The following OPN3 variants were observed in gnomAD, a reference collection of about 807,000 sequenced individuals.
OPN3 encodes the protein opsin-3.
OPN3 carries 29 observed loss-of-function variants against 33.8 expected under a neutral mutation model. The observed-to-expected ratio is 0.86, with a 90% CI of 0.64 to 1.17. The LOEUF (loss-of-function observed/expected upper bound fraction) is 1.17, where lower values mean the gene tolerates loss of function less well. Among genes scored for constraint, OPN3 ranks in the 50% most tolerant of loss-of-function variants. The pLI, the probability that OPN3 is intolerant of heterozygous loss-of-function variation, is 0.00. For synonymous variants in OPN3, 216 were observed against 216.1 expected (o/e 1.00, Z 0.00); for missense variants, 437 against 514.1 (o/e 0.85, Z 1.45).
intron 1 of OPN3, among the ~76,000 whole-genome samples, chr1:241,618,495 A>T (rs751051231): frequency 1.3e-5 from 2 of 152,214 alleles, no homozygotes; most frequent in African/African-American, 2.4e-5. Flanking sequence ...CTCAATTCCC[A>T]GGTTTTCCTC....
chr1:241,617,838 G>A lies in OPN3; in HGVS notation c.374-13259C>T, dbSNP rs560462668. Among the ~76,000 whole-genome samples the A allele has an allele frequency of 2.0e-5, 3 of 152,260 alleles. No homozygotes were observed. The East Asian group carries it at 5.8e-4, about 29-fold the overall frequency. On this transcript the variant is annotated intron_variant, in intron 1 of 3. Transcript: ENST00000366554. The stretch of plus-strand genomic sequence containing the variant: ...ATAGCCTGTGCAGTTCTATGTTTGG[G>A]CAAAATGCTTTAAGTTGTAAACAAA...
chr1:241,606,591 T>TA (rs1260765121), intron 1 of OPN3, among the ~76,000 whole-genome samples: 13 of 144,196 alleles, frequency 9.0e-5, no homozygotes, highest in East Asian at 6.2e-4. Context: ...ATAAATAAAA[T>TA]AAATAAAATA....
chr1:241,639,671 G>C (rs1375014089), intron 1 of OPN3, among the ~76,000 whole-genome samples: 1 of 151,694 alleles, frequency 6.6e-6, no homozygotes, highest in Non-Finnish European at 1.5e-5. Context: ...TGGGGCGGGA[G>C]GGGACGGAGG....
intron 1 of OPN3, among the ~76,000 whole-genome samples, chr1:241,636,778 T>C (rs1664914731): frequency 6.6e-6 from 1 of 152,138 alleles, no homozygotes; most frequent in South Asian, 2.1e-4. Flanking sequence ...AAACTTCTGA[T>C]TTCATATTAA....
chr1:241,603,484 C>T (rs1473170341), intron 2 of OPN3, among the ~76,000 whole-genome samples: 7 of 147,410 alleles, frequency 4.7e-5, no homozygotes, highest in Non-Finnish European at 8.9e-5. Flanking sequence ...TTTTTTTTTT[C>T]CAGCTCCTCC....
intron 2 of OPN3, among the ~76,000 whole-genome samples, chr1:241,603,516 A>G (rs372555091): frequency 6.6e-6 from 1 of 152,222 alleles, no homozygotes; most frequent in East Asian, 1.9e-4. Flanking sequence ...CTACAGGCAT[A>G]GAGAAAATAG....
chr1:241,611,238 G>A (rs182128657), intron 1 of OPN3, among the ~76,000 whole-genome samples: 112 of 152,104 alleles, frequency 7.4e-4, no homozygotes, highest in African/African-American at 2.0e-3. Flanking sequence ...TCTAGACTGG[G>A]GTAAGCAAGT....
chr1:241,605,577 A>G (rs181836683), intron 1 of OPN3, among the ~76,000 whole-genome samples: 139 of 152,376 alleles, frequency 9.1e-4, no homozygotes, highest in African/African-American at 3.1e-3. Context: ...TGGATGGCCC[A>G]TGGTGACTAA....
intron 1 of OPN3, chr1:241,634,630 C>T: frequency 6.2e-7 from 1 of 1,613,826 alleles, no homozygotes; most frequent in East Asian, 2.2e-5. Flanking sequence ...CTTGGCCATA[C>T]AAGGGAAATA....
chr1:241,638,396 C>T (rs78290307), intron 1 of OPN3, among the ~76,000 whole-genome samples: 3,334 of 152,216 alleles, frequency 0.022, 51 homozygotes, highest in South Asian at 0.037. Flanking sequence ...TGTTCAAACT[C>T]CCGGGCACGA....
chr1:241,638,672 T>C (rs1332223107), intron 1 of OPN3, among the ~76,000 whole-genome samples: 1 of 152,146 alleles, frequency 6.6e-6, no homozygotes, highest in East Asian at 1.9e-4. Flanking sequence ...TCAAATGAAA[T>C]TATCAGATTA....
chr1:241,632,972 T>C (rs960380174), intron 1 of OPN3: 7 of 152,148 alleles, frequency 4.6e-5, no homozygotes, highest in African/African-American at 1.7e-4. Flanking sequence ...CCTTTTGGTC[T>C]AAGTTACTTA....
At chr1:241,624,246 A>G (rs1340827251) in intron 1 of OPN3, among the ~76,000 whole-genome samples, 1 of 121,680 alleles carries the variant, frequency 8.2e-6, no homozygotes, top group Non-Finnish European at 1.7e-5. Flanking sequence ...CTGCCTCTCC[A>G]CGCCAGGCCA....
intron 1 of OPN3, among the ~76,000 whole-genome samples, chr1:241,625,410 T>G (rs1206145715): frequency 6.6e-6 from 1 of 152,216 alleles, no homozygotes; most frequent in Non-Finnish European, 1.5e-5. Context: ...TAAAATGTTT[T>G]TACATTGATT....
chr1:241,633,174 A>T (rs1454159437), intron 1 of OPN3: 1 of 152,264 alleles, frequency 6.6e-6, no homozygotes, highest in Non-Finnish European at 1.5e-5. Context: ...ATCAGTTACA[A>T]GGGTCAAGTG....
intron 3 of OPN3, chr1:241,595,294 C>T (rs1446734551): frequency 6.6e-6 from 1 of 152,302 alleles, no homozygotes; most frequent in Non-Finnish European, 1.5e-5. Context: ...CTTTCCGCTT[C>T]TCCTCTCTGC....
intron 1 of OPN3, among the ~76,000 whole-genome samples, chr1:241,616,165 C>T (rs1179080666): frequency 6.6e-6 from 1 of 152,184 alleles, no homozygotes; most frequent in Non-Finnish European, 1.5e-5. Context: ...CCTCCTTTCC[C>T]TGCCTCTTCC....
intron 1 of OPN3, chr1:241,635,476 T>C: frequency 6.2e-7 from 1 of 1,613,900 alleles, no homozygotes; most frequent in Middle Eastern, 1.6e-4. Context: ...CTTCTGTGTG[T>C]TGAATAGTTT....
chr1:241,615,613 T>G (rs902677838), intron 1 of OPN3, among the ~76,000 whole-genome samples: 2 of 152,210 alleles, frequency 1.3e-5, no homozygotes, highest in African/African-American at 4.8e-5. Context: ...AAATGACTGC[T>G]GTCAGCCATC....
Sources: allele counts gnomAD v4.1 joint callset (sites outside exome capture counted in the v4.1 genomes callset), GRCh38; gene constraint gnomAD v4.1.1; transcripts MANE v1.5; gene names NCBI Gene and HGNC (gene_info 2026-07-23, HGNC 2026-07-21).